ENPEP: variants seen among roughly 807,000 people sequenced by gnomAD.
ENPEP encodes the protein AP-A.
A neutral mutation model predicts 114.5 loss-of-function variants in ENPEP; 103 were observed. The observed-to-expected ratio is 0.90, with a 90% CI of 0.77 to 1.06. ENPEP has a LOEUF of 1.06. Among genes scored for constraint, ENPEP ranks in the 50% least tolerant of loss-of-function variants. The probability of loss-of-function intolerance (pLI) is 0.00; values close to 1 mark genes in which losing one functional copy is unlikely to be tolerated. For missense variants in ENPEP, 1,196 were observed against 1,161.3 expected, an observed-to-expected ratio of 1.03 and a Z score of -0.43; for synonymous variants, 420 against 422.0, an observed-to-expected ratio of 1.00 and a Z score of 0.06.
chr4:110,555,607 G>A (rs1004617491), intron 18 of ENPEP, among the ~76,000 whole-genome samples: 2 of 151,996 alleles, frequency 1.3e-5, no homozygotes, highest in Admixed American at 1.3e-4. Context: ...AGATGAAACT[G>A]TGAAGTTGAG....
chr4:110,481,492 G>T (rs1249625167), intron 1 of ENPEP, among the ~76,000 whole-genome samples: 1 of 152,000 alleles, frequency 6.6e-6, no homozygotes, highest in Non-Finnish European at 1.5e-5. Context: ...TTTACTGTTT[G>T]GCACACAGTG....
intron 3 of ENPEP, among the ~76,000 whole-genome samples, chr4:110,495,539 G>T (rs1484845891): frequency 6.6e-6 from 1 of 152,064 alleles, no homozygotes. Flanking sequence ...TGGCCAAAAT[G>T]GTGAAACCCT....
chr4:110,491,245 T>C, intron 3 of ENPEP, 81 bp downstream of exon 3: 2 of 1,444,086 alleles, frequency 1.4e-6, no homozygotes, highest in Middle Eastern at 2.6e-4. Context: ...GTTTTTTTTT[T>C]TTTTTTTCAA....
At chr4:110,540,722 C>T (rs574725091) in intron 11 of ENPEP, among the ~76,000 whole-genome samples, 8 of 152,266 alleles carry the variant, frequency 5.3e-5, no homozygotes, top group African/African-American at 1.2e-4. Flanking sequence ...AACTTCTCAA[C>T]GTTATTTATA....
intron 11 of ENPEP, among the ~76,000 whole-genome samples, chr4:110,536,533 G>T (rs1314188306): frequency 6.6e-6 from 1 of 152,164 alleles, no homozygotes; most frequent in Non-Finnish European, 1.5e-5. Context: ...TGCAAGGAAG[G>T]CTAACATAGT....
intron 17 of ENPEP, 59 bp from the exon 18 acceptor site, chr4:110,553,256 A>C (rs1727353855): frequency 1.2e-5 from 18 of 1,451,032 alleles, no homozygotes; most frequent in Non-Finnish European, 1.7e-5. Context: ...ATTGGAATTT[A>C]GCTAAGGGTG....
chr4:110,509,529 T>TG (rs1308330200), intron 4 of ENPEP, 124 bp from the exon 5 acceptor site: 9 of 1,280,456 alleles, frequency 7.0e-6, no homozygotes, highest in Non-Finnish European at 8.4e-6. Flanking sequence ...ATTACAGTTC[T>TG]TTACTCTAAG....
Position 110,564,079 on chromosome 4 carries a change from A to AATC in ENPEP, c.*2532_*2534dup, listed in dbSNP as rs944581403. 1 of 152,182 alleles carries AATC rather than the reference A, an allele frequency of 6.6e-6. No homozygotes were observed. Among genetic ancestry groups the AATC allele is most frequent in the African/African-American group, 2.4e-5 (1 of 41,446 alleles). 9.4% of individuals were successfully genotyped at this position (152,182 alleles called of 1,614,324 possible). ...GGTGCTTTCTAAAACACGGTTAGGTAATCATCATCATCAGACTTTCCTTTT... is the reference window on the plus strand; with the variant it reads ...GGTGCTTTCTAAAACACGGTTAGGTAATCATCATCATCATCAGACTTTCCTTTT... On this transcript the variant is annotated 3_prime_UTR_variant, in exon 20 of 20. Transcript: ENST00000265162.
chr4:110,484,760 A>ATATAT (rs896460805), intron 1 of ENPEP, among the ~76,000 whole-genome samples: 1 of 115,114 alleles, frequency 8.7e-6, no homozygotes, highest in South Asian at 2.6e-4. Flanking sequence ...TATTTTATAT[A>ATATAT]TATATTATAT....
chr4:110,488,894 G>C (rs1273244262), intron 2 of ENPEP, among the ~76,000 whole-genome samples: 1 of 152,148 alleles, frequency 6.6e-6, no homozygotes, highest in Non-Finnish European at 1.5e-5. Context: ...AGCCAGATTG[G>C]TGTTTCTGTG....
intron 11 of ENPEP, among the ~76,000 whole-genome samples, chr4:110,535,725 G>A (rs1380280850): frequency 6.6e-6 from 1 of 152,178 alleles, no homozygotes; most frequent in Non-Finnish European, 1.5e-5. Flanking sequence ...GGTGGCTCAC[G>A]CCTGTAATCC....
intron 6 of ENPEP, among the ~76,000 whole-genome samples, chr4:110,511,229 T>C (rs920744449): frequency 6.6e-6 from 1 of 152,240 alleles, no homozygotes; most frequent in Non-Finnish European, 1.5e-5. Context: ...AAGCCTAATT[T>C]ACAACAATTA....
In ENPEP at chr4:110,547,820, A is replaced by G. The variant is rs938164131; in HGVS notation, c.2001-356A>G. Among the ~76,000 whole-genome samples, 8 of 152,178 alleles carry G rather than the reference A, an allele frequency of 5.3e-5. No individual in the cohort carries two copies. In the East Asian group the frequency reaches 9.7e-4, roughly 18 times the overall value. ...ATTTATAGTAGTGCCTTTATGTGTTAAAATCCACTTGGGAACCTAAAATTT... is the reference window on the plus strand; with the variant it reads ...ATTTATAGTAGTGCCTTTATGTGTTGAAATCCACTTGGGAACCTAAAATTT... On this transcript the variant is annotated intron_variant, in intron 13 of 19. Coordinates refer to ENST00000265162, the MANE Select transcript of ENPEP (RefSeq NM_001977.4).
chr4:110,563,146 C>G lies in ENPEP; in HGVS notation c.*1588C>G, dbSNP rs1727730035. 1 of 152,138 alleles carries G rather than the reference C, an allele frequency of 6.6e-6. No homozygotes were observed. Among genetic ancestry groups the G allele is most frequent in the South Asian group, 2.1e-4 (1 of 4,832 alleles). 9.4% of individuals were successfully genotyped at this position (152,138 alleles called of 1,614,324 possible). A position where few individuals can be genotyped will look rare whatever the true frequency, so the allele number is the denominator to read the frequency against. On this transcript the variant is annotated 3_prime_UTR_variant, in exon 20 of 20. Coordinates refer to ENST00000265162, the MANE Select transcript of ENPEP (RefSeq NM_001977.4). ...ATCATAACTTACCAGAAAAACCCCA[C>G]TATCCTCATAAGATTAACTTAAAAT...
At chr4:110,493,140 ACATTTACTT>A (rs1184987393) in intron 3 of ENPEP, among the ~76,000 whole-genome samples, 12 of 152,180 alleles carry the variant, frequency 7.9e-5, no homozygotes, top group Non-Finnish European at 1.0e-4. Flanking sequence ...CTGACCAAGG[ACATTTACTT>A]GTAATATTAT....
intron 13 of ENPEP, among the ~76,000 whole-genome samples, chr4:110,545,680 C>G (rs1439854229): frequency 6.6e-6 from 1 of 151,956 alleles, no homozygotes; most frequent in African/African-American, 2.4e-5. Flanking sequence ...ATGTTTAATG[C>G]TGATTTTTTT....
intron 3 of ENPEP, among the ~76,000 whole-genome samples, chr4:110,498,363 C>T (rs574631990): frequency 6.6e-6 from 1 of 152,080 alleles, no homozygotes; most frequent in East Asian, 1.9e-4. Flanking sequence ...CAAAAAAAAC[C>T]TCAAGAGGTA....
At chr4:110,528,310 TAAGA>T (rs1726274412) in intron 10 of ENPEP, among the ~76,000 whole-genome samples, 1 of 152,148 alleles carries the variant, frequency 6.6e-6, no homozygotes, top group Non-Finnish European at 1.5e-5. Context: ...CCTGAACAAA[TAAGA>T]AAGAACCATT....
intron 1 of ENPEP, among the ~76,000 whole-genome samples, chr4:110,486,561 G>A (rs1724505474): frequency 6.6e-6 from 1 of 151,994 alleles, no homozygotes; most frequent in African/African-American, 2.4e-5. Flanking sequence ...TTCAGATCTC[G>A]GCAAACCAAG....
Sources: allele counts gnomAD v4.1 joint callset (sites outside exome capture counted in the v4.1 genomes callset), GRCh38; gene constraint gnomAD v4.1.1; transcripts MANE v1.5; gene names NCBI Gene and HGNC (gene_info 2026-07-23, HGNC 2026-07-21).